Variants in LRRC75A observed in about 807,000 individuals in gnomAD.
The protein encoded by LRRC75A is leucine rich repeat containing 75A.
Under a neutral mutation model 26.0 loss-of-function variants are expected in LRRC75A, and 12 were observed. The ratio of observed to expected loss-of-function variants is 0.46; its 90% CI spans 0.30 to 0.75. The LOEUF is 0.75. Ranked by LOEUF, LRRC75A falls within the 30% of genes least tolerant of loss-of-function variation. LRRC75A has a pLI of 0.08. For missense variants in LRRC75A, 410 were observed against 486.6 expected, an observed-to-expected ratio of 0.84 and a Z score of 1.48; for synonymous variants, 223 against 219.3, an observed-to-expected ratio of 1.02 and a Z score of -0.15.
intron 1 of LRRC75A, among the ~76,000 whole-genome samples, chr17:16,479,429 G>A (rs2093828415): frequency 6.6e-6 from 1 of 152,212 alleles, no homozygotes; most frequent in African/African-American, 2.4e-5. Context: ...GTCTCACCAA[G>A]GCTGCCAAGT....
chr17:16,485,794 G>A (rs1268712295), intron 1 of LRRC75A, among the ~76,000 whole-genome samples: 8 of 152,102 alleles, frequency 5.3e-5, no homozygotes, highest in Non-Finnish European at 1.2e-4. Flanking sequence ...CCCACACTGC[G>A]GGGAGAATCT....
chr17:16,485,145 C>T (rs978990134), intron 1 of LRRC75A, among the ~76,000 whole-genome samples: 1 of 152,056 alleles, frequency 6.6e-6, no homozygotes, highest in Non-Finnish European at 1.5e-5. Context: ...GAGTCCAAGA[C>T]GCAGCAACCA....
chr17:16,459,616 T>C (rs1036170277), intron 2 of LRRC75A, among the ~76,000 whole-genome samples: 1 of 152,200 alleles, frequency 6.6e-6, no homozygotes, highest in African/African-American at 2.4e-5. Context: ...CTAAAGGATG[T>C]TCAGTGAGGT....
intron 1 of LRRC75A, among the ~76,000 whole-genome samples, chr17:16,486,390 C>A (rs1409406262): frequency 6.6e-6 from 1 of 152,214 alleles, no homozygotes; most frequent in African/African-American, 2.4e-5. Context: ...TCGTGCTTAG[C>A]CACTACAGAG....
chr17:16,453,197 G>T (rs1030363375), intron 2 of LRRC75A, among the ~76,000 whole-genome samples: 1 of 152,106 alleles, frequency 6.6e-6, no homozygotes, highest in Non-Finnish European at 1.5e-5. Flanking sequence ...GCTGTGGCAG[G>T]AGAATCGCTT....
intron 1 of LRRC75A, among the ~76,000 whole-genome samples, chr17:16,471,945 G>A (rs1360168996): frequency 6.6e-6 from 1 of 152,150 alleles, no homozygotes; most frequent in East Asian, 1.9e-4. Context: ...TGGGGACAGG[G>A]TTTCAGTTTG....
At chr17:16,448,069 G>A (rs2093601560) in intron 2 of LRRC75A, 109 bp from the exon 3 acceptor site, 1 of 1,002,252 alleles carries the variant, frequency 1.0e-6, no homozygotes. Context: ...AGGCTGAGCT[G>A]GGGGAGGCCC....
chr17:16,488,606 C>G (rs2093851495), intron 1 of LRRC75A, among the ~76,000 whole-genome samples: 2 of 152,192 alleles, frequency 1.3e-5, no homozygotes, highest in South Asian at 4.1e-4. Context: ...ATCTGCTGGG[C>G]CCAAGGTCAC....
At chr17:16,468,967 CCT>C (rs1262992436) in intron 1 of LRRC75A, among the ~76,000 whole-genome samples, 3 of 152,150 alleles carry the variant, frequency 2.0e-5, no homozygotes, top group Admixed American at 6.5e-5. Flanking sequence ...TTTTTCTACC[CCT>C]GACACTTGGT....
intron 2 of LRRC75A, among the ~76,000 whole-genome samples, chr17:16,460,151 C>T (rs2093716554): frequency 6.6e-6 from 1 of 152,130 alleles, no homozygotes; most frequent in South Asian, 2.1e-4. Flanking sequence ...AGGAAGGTGA[C>T]TGTCTGTAAC....
intron 1 of LRRC75A, among the ~76,000 whole-genome samples, chr17:16,487,892 A>G (rs1169786691): frequency 2.6e-5 from 4 of 152,364 alleles, no homozygotes; most frequent in Admixed American, 2.6e-4. Flanking sequence ...GCCCTGCTTA[A>G]GAGGTGTGCG....
At chr17:16,456,279 AGAG>A (rs1244571994) in intron 2 of LRRC75A, among the ~76,000 whole-genome samples, 7 of 107,672 alleles carry the variant, frequency 6.5e-5, no homozygotes, top group African/African-American at 2.2e-4. Flanking sequence ...AGGAGGAGGA[AGAG>A]GAGGAGGAAG....
At chr17:16,445,252 ACCT>A (rs1192908754) in intron 3 of LRRC75A, among the ~76,000 whole-genome samples, 1 of 114,862 alleles carries the variant, frequency 8.7e-6, no homozygotes, top group Non-Finnish European at 1.7e-5. Context: ...TGCAATCTCC[ACCT>A]CCTGGGTTCA....
chr17:16,479,869 G>A (rs1400036150), intron 1 of LRRC75A, among the ~76,000 whole-genome samples: 1 of 152,202 alleles, frequency 6.6e-6, no homozygotes, highest in Non-Finnish European at 1.5e-5. Context: ...AGTGTCATTT[G>A]GAGCAGGGGT....
rs537264877 is a variant in LRRC75A at position 16,480,448 on chromosome 17, G to A, written c.246+11297C>T. Among the ~76,000 whole-genome samples, 13 of 152,028 alleles carry A rather than the reference G, an allele frequency of 8.6e-5. No individual in the cohort carries two copies. In the South Asian group the frequency reaches 1.9e-3, roughly 22 times the overall value. ...AGTTCGAGACCAGCCTGAGCAACAC[G>A]GTGAAACCCCATATCTACTAAAATA... On this transcript the variant is annotated intron_variant, in intron 1 of 3. Coordinates refer to ENST00000470794, the MANE Select transcript of LRRC75A (RefSeq NM_001113567.3).
chr17:16,476,074 A>G (rs979905425), intron 1 of LRRC75A, among the ~76,000 whole-genome samples: 2 of 152,230 alleles, frequency 1.3e-5, no homozygotes, highest in Non-Finnish European at 2.9e-5. Context: ...AGGTGCCTAT[A>G]GTCCCAGCTA....
chr17:16,467,547 A>G (rs2093778887), intron 1 of LRRC75A, among the ~76,000 whole-genome samples: 1 of 152,158 alleles, frequency 6.6e-6, no homozygotes, highest in Admixed American at 6.6e-5. Context: ...TTCTCTTCTG[A>G]GCTCTGGCCT....
intron 2 of LRRC75A, among the ~76,000 whole-genome samples, chr17:16,459,293 A>C (rs1450330422): frequency 2.6e-5 from 4 of 152,246 alleles, no homozygotes; most frequent in African/African-American, 7.2e-5. Flanking sequence ...ACGAATGGAA[A>C]AATAAATGGG....
intron 1 of LRRC75A, among the ~76,000 whole-genome samples, chr17:16,485,007 G>T (rs1426934880): frequency 6.6e-6 from 1 of 151,112 alleles, no homozygotes; most frequent in South Asian, 2.1e-4. Context: ...GGAGAGCCAC[G>T]TGGGCACTGC....
Sources: gnomAD v4.1 joint callset for allele counts (sites outside exome capture counted in the v4.1 genomes callset) on GRCh38, gnomAD v4.1.1 for gene constraint, MANE v1.5 for transcripts, NCBI Gene and HGNC (gene_info 2026-07-23, HGNC 2026-07-21) for gene names.